The following KCNQ5 variants were observed in gnomAD, a reference collection of about 807,000 sequenced individuals.
The protein encoded by KCNQ5 is potassium voltage-gated channel subfamily Q member 5, also known as potassium voltage-gated channel subfamily KQT member 5.
KCNQ5 carries 30 observed loss-of-function variants against 98.2 expected under a neutral mutation model. The ratio of observed to expected loss-of-function variants is 0.31; its 90% CI spans 0.23 to 0.41. The LOEUF (loss-of-function observed/expected upper bound fraction) is 0.41. Among genes scored for constraint, KCNQ5 ranks in the 10% least tolerant of loss-of-function variants. The probability of loss-of-function intolerance (pLI) is 1.00; values close to 1 mark genes in which losing one functional copy is unlikely to be tolerated. For missense variants in KCNQ5, 835 were observed against 1,182.5 expected (o/e 0.71, Z 4.31); for synonymous variants, 458 against 449.4 (o/e 1.02, Z -0.24).
At chr6:72,837,944 A>G (rs1177892605) in intron 1 of KCNQ5, among the ~76,000 whole-genome samples, 2 of 149,552 alleles carry the variant, frequency 1.3e-5, no homozygotes, top group Admixed American at 1.3e-4. Context: ...TTTTTTTTGG[A>G]TTCTTCATCC....
At chr6:73,063,694 AGATAGATAGATAGATAGATAGATAGAT>A (rs1407833065) in intron 3 of KCNQ5, among the ~76,000 whole-genome samples, 134 of 42,160 alleles carry the variant, frequency 3.2e-3, no homozygotes, top group Non-Finnish European at 8.2e-3. Context: ...GATGATAGAT[AGATAGATAGATAGATAGATAGATAGAT>A]GATAGATAGA....
chr6:73,164,758 TATC>T (rs1777731315), intron 10 of KCNQ5, among the ~76,000 whole-genome samples: 1 of 152,232 alleles, frequency 6.6e-6, no homozygotes, highest in South Asian at 2.1e-4. Flanking sequence ...GGACCTGCAT[TATC>T]ATATTATGGC....
chr6:72,945,998 G>C (rs1766528889), intron 1 of KCNQ5, among the ~76,000 whole-genome samples: 1 of 152,142 alleles, frequency 6.6e-6, no homozygotes, highest in African/African-American at 2.4e-5. Context: ...CCATGTAACT[G>C]TTCCACTTTC....
chr6:73,146,626 C>CAAAAAAAA lies in KCNQ5; in HGVS notation c.1468+13005_1468+13012dup, dbSNP rs58798764. 6.3e-4 allele frequency among the ~76,000 whole-genome samples: 18 copies of CAAAAAAAA among 28,486 alleles called. 2 individuals are homozygous for CAAAAAAAA. Among genetic ancestry groups the CAAAAAAAA allele is most frequent in the African/African-American group, 1.7e-3 (18 of 10,664 alleles). The allele number at this position is 28,486 out of a possible 152,430, so 18.7% of individuals were successfully genotyped here. Reference sequence around the variant, plus strand: ...TGGGCAACAGAACAAGTCCCTGTCTCAAAAAAAAAAAAAAAAAAAAAAAAA... The same window carrying CAAAAAAAA: ...TGGGCAACAGAACAAGTCCCTGTCTCAAAAAAAAAAAAAAAAAAAAAAAAAAAAAAAAA... On this transcript the variant is annotated intron_variant, in intron 10 of 13. Coordinates refer to ENST00000370398, the MANE Select transcript of KCNQ5 (RefSeq NM_019842.4).
At chr6:72,822,408 T>G (rs1394427163) in intron 1 of KCNQ5, among the ~76,000 whole-genome samples, 1 of 152,192 alleles carries the variant, frequency 6.6e-6, no homozygotes, top group Admixed American at 6.5e-5. Flanking sequence ...TGTGCATGTT[T>G]TTTTGGAACT....
chr6:72,900,185 A>G (rs1428016458), intron 1 of KCNQ5, among the ~76,000 whole-genome samples: 4 of 151,986 alleles, frequency 2.6e-5, no homozygotes, highest in Admixed American at 6.6e-5. Context: ...GCTCCCACAT[A>G]TCAGTGAGAA....
At chr6:72,696,366 G>A (rs1444075861) in intron 1 of KCNQ5, among the ~76,000 whole-genome samples, 1 of 152,158 alleles carries the variant, frequency 6.6e-6, no homozygotes, top group Admixed American at 6.5e-5. Context: ...AAATACGGGT[G>A]TGAAAAAATT....
intron 1 of KCNQ5, among the ~76,000 whole-genome samples, chr6:72,653,274 A>G (rs1024771762): frequency 6.6e-6 from 1 of 151,726 alleles, no homozygotes; most frequent in African/African-American, 2.4e-5. Flanking sequence ...ACACTCAATG[A>G]TTCTTTCTTT....
At chr6:73,121,641 G>A (rs930812693) in intron 8 of KCNQ5, among the ~76,000 whole-genome samples, 24 of 152,124 alleles carry the variant, frequency 1.6e-4, no homozygotes, top group African/African-American at 5.8e-4. Flanking sequence ...CCTAACTACT[G>A]TGACTCACAA....
chr6:72,711,812 G>A (rs111685356), intron 1 of KCNQ5, among the ~76,000 whole-genome samples: 2,032 of 152,240 alleles, frequency 0.013, 34 homozygotes, highest in African/African-American at 0.042. Flanking sequence ...TTTTCAGATG[G>A]AAGGAAGTTG....
In KCNQ5 at chr6:73,125,511, C is replaced by T. The variant is rs762807941; in HGVS notation, c.1247+999C>T. The T allele has an allele frequency of 5.8e-6, 3 of 517,132 alleles. No homozygotes were observed. The Admixed American group carries it at 5.8e-5, about 10-fold the overall frequency. 32.0% of individuals were successfully genotyped at this position (517,132 alleles called of 1,614,324 possible). A position where few individuals can be genotyped will look rare whatever the true frequency, so the allele number is the denominator to read the frequency against. On this transcript the variant is annotated intron_variant, in intron 9 of 13. Coordinates refer to ENST00000370398, the MANE Select transcript of KCNQ5 (RefSeq NM_019842.4). ...TTCCATAAAGAAATGAAGGCATCCA[C>T]CTACCCAGAGTTGGTCCCTAAGTGG...
At chr6:73,184,378 A>G (rs553788373) in intron 11 of KCNQ5, among the ~76,000 whole-genome samples, 3 of 152,336 alleles carry the variant, frequency 2.0e-5, no homozygotes, top group Middle Eastern at 3.4e-3. Context: ...TTTTTTATTC[A>G]TGGAGGAAAC....
At chr6:72,909,287 GGT>G (rs1248071581) in intron 1 of KCNQ5, among the ~76,000 whole-genome samples, 4 of 152,226 alleles carry the variant, frequency 2.6e-5, no homozygotes, top group Admixed American at 2.6e-4. Flanking sequence ...AGAGAGATGA[GGT>G]GTGATACTGA....
At chr6:72,778,426 T>C (rs1013793699) in intron 1 of KCNQ5, among the ~76,000 whole-genome samples, 30 of 151,810 alleles carry the variant, frequency 2.0e-4, no homozygotes, top group African/African-American at 7.3e-4. Flanking sequence ...TGGTTCCAGC[T>C]ACTCGGGAAG....
At chr6:72,900,656 T>C (rs1018396860) in intron 1 of KCNQ5, among the ~76,000 whole-genome samples, 1 of 151,932 alleles carries the variant, frequency 6.6e-6, no homozygotes, top group Non-Finnish European at 1.5e-5. Context: ...CCTTTTTCAC[T>C]GGGTAGATAC....
intron 2 of KCNQ5, among the ~76,000 whole-genome samples, chr6:73,035,597 G>T (rs1171860252): frequency 2.0e-5 from 3 of 152,064 alleles, no homozygotes; most frequent in Non-Finnish European, 4.4e-5. Flanking sequence ...AAATCATCTC[G>T]ACTGAATGTA....
intron 10 of KCNQ5, among the ~76,000 whole-genome samples, chr6:73,146,626 C>CA (rs58798764): frequency 0.03 from 848 of 28,358 alleles, 82 homozygotes; most frequent in East Asian, 0.051. Context: ...GTCCCTGTCT[C>CA]AAAAAAAAAA....
chr6:72,687,877 C>T (rs1768034267), intron 1 of KCNQ5, among the ~76,000 whole-genome samples: 3 of 143,694 alleles, frequency 2.1e-5, no homozygotes, highest in South Asian at 4.4e-4. Context: ...CTCTCTCTGT[C>T]GCCCAGGCTG....
chr6:73,066,151 A>G (rs1204391280), intron 3 of KCNQ5, among the ~76,000 whole-genome samples: 1 of 152,226 alleles, frequency 6.6e-6, no homozygotes, highest in East Asian at 1.9e-4. Context: ...AAAATAAAAT[A>G]AAAACTAAAA....
Sources: allele counts gnomAD v4.1 joint callset (sites outside exome capture counted in the v4.1 genomes callset), GRCh38; gene constraint gnomAD v4.1.1; transcripts MANE v1.5; gene names NCBI Gene and HGNC (gene_info 2026-07-23, HGNC 2026-07-21).